RFX7: variants seen among roughly 807,000 people sequenced by gnomAD.
The protein encoded by RFX7 is DNA-binding protein RFX7.
A neutral mutation model predicts 111.8 loss-of-function variants in RFX7; 26 were observed. The ratio of observed to expected loss-of-function variants is 0.23; its 90% CI spans 0.17 to 0.32. The LOEUF (loss-of-function observed/expected upper bound fraction) is 0.32, where lower values mean the gene tolerates loss of function less well. Among genes scored for constraint, RFX7 ranks in the 10% least tolerant of loss-of-function variants. The pLI is 1.00. For synonymous variants in RFX7, 624 were observed against 624.4 expected (o/e 1.00, Z 0.01); for missense variants, 1,573 against 1,772.9 (o/e 0.89, Z 2.02).
intron 2 of RFX7, among the ~76,000 whole-genome samples, chr15:56,194,452 A>G (rs181657612): frequency 4.6e-5 from 7 of 152,264 alleles, no homozygotes; most frequent in African/African-American, 7.2e-5. Context: ...TTCTACCCCT[A>G]TAAAATAATT....
chr15:56,127,571 G>A (rs1443619554), intron 5 of RFX7, among the ~76,000 whole-genome samples: 8 of 146,292 alleles, frequency 5.5e-5, no homozygotes, highest in East Asian at 2.0e-4. Flanking sequence ...TTTTTGAGAC[G>A]GAGTTTCGCT....
intron 5 of RFX7, among the ~76,000 whole-genome samples, chr15:56,141,561 A>G (rs542597855): frequency 6.6e-5 from 10 of 150,490 alleles, no homozygotes; most frequent in East Asian, 3.9e-4. Flanking sequence ...CCTGATTTCT[A>G]TAACCTTTTA....
intron 3 of RFX7, among the ~76,000 whole-genome samples, chr15:56,178,157 C>T (rs1173629376): frequency 2.4e-5 from 3 of 126,770 alleles, no homozygotes; most frequent in Non-Finnish European, 4.9e-5. Context: ...AACTCGAAAA[C>T]CAAAAAACTA....
chr15:56,088,444 A>G lies in RFX7; in HGVS notation c.*4901T>C, dbSNP rs1299134089. On this transcript the variant is annotated 3_prime_UTR_variant, in exon 10 of 10. Coordinates refer to ENST00000559447, the MANE Select transcript of RFX7 (RefSeq NM_022841.7). ...TATATACCACAGTAATATCACTCTCATGATATATTTTATTTATATGACTCT... is the reference window on the plus strand; with the variant it reads ...TATATACCACAGTAATATCACTCTCGTGATATATTTTATTTATATGACTCT... 1 of 152,182 alleles carries G rather than the reference A, an allele frequency of 6.6e-6. No individual in the cohort carries two copies. 9.4% of individuals were successfully genotyped at this position (152,182 alleles called of 1,614,324 possible). A position where few individuals can be genotyped will look rare whatever the true frequency, so the allele number is the denominator to read the frequency against.
intron 3 of RFX7, among the ~76,000 whole-genome samples, chr15:56,156,592 T>G (rs1171612670): frequency 1.3e-5 from 2 of 152,000 alleles, no homozygotes; most frequent in East Asian, 3.9e-4. Flanking sequence ...GTATGTAACT[T>G]AAAAGTACAA....
In RFX7 at chr15:56,093,944, CATT is replaced by C. The variant is rs1474217690; in HGVS notation, c.3781_3783del (p.Asn1261del). On this transcript the variant is annotated inframe_deletion, in exon 10 of 10. Coordinates refer to ENST00000559447, the MANE Select transcript of RFX7 (RefSeq NM_022841.7). Reference sequence around the variant, plus strand: ...ATTCCCAAACCTCTCACTGCATCATCATTGTCGGAATCAAGTTTACTCAACAAA... The same window carrying C: ...ATTCCCAAACCTCTCACTGCATCATCGTCGGAATCAAGTTTACTCAACAAA... The C allele has an allele frequency of 3.7e-6, 6 of 1,613,876 alleles. No homozygotes were observed. Among genetic ancestry groups the C allele is most frequent in the African/African-American group, 2.7e-5 (2 of 74,928 alleles).
intron 3 of RFX7, among the ~76,000 whole-genome samples, chr15:56,163,102 C>T (rs1419649185): frequency 2.6e-5 from 4 of 151,960 alleles, no homozygotes; most frequent in African/African-American, 2.4e-5. Flanking sequence ...AAGTCTGTGT[C>T]GGTGAGTTGA....
In RFX7 at chr15:56,092,524, C is replaced by T. The variant is rs2041609135; in HGVS notation, c.*821G>A. On this transcript the variant is annotated 3_prime_UTR_variant, in exon 10 of 10. Transcript: ENST00000559447. ...TTTCCTTCTCATTCCCCTAACTTAA[C>T]AAATAATAAGACATAAAGCATTTTT... is the stretch of plus-strand genomic sequence containing the variant. 2 of 152,124 alleles carry T rather than the reference C, an allele frequency of 1.3e-5. No homozygotes were observed. Among genetic ancestry groups the T allele is most frequent in the African/African-American group, 4.8e-5 (2 of 41,414 alleles). 9.4% of individuals were successfully genotyped at this position (152,124 alleles called of 1,614,324 possible). A position where few individuals can be genotyped will look rare whatever the true frequency, so the allele number is the denominator to read the frequency against.
chr15:56,229,366 C>G (rs1039342573), intron 2 of RFX7, among the ~76,000 whole-genome samples: 1 of 151,996 alleles, frequency 6.6e-6, no homozygotes, highest in Non-Finnish European at 1.5e-5. Flanking sequence ...CCCAGGTTCA[C>G]GCCATTCTCC....
intron 2 of RFX7, among the ~76,000 whole-genome samples, chr15:56,242,498 T>TA (rs199726084): frequency 2.0e-4 from 31 of 151,630 alleles, no homozygotes; most frequent in African/African-American, 4.1e-4. Flanking sequence ...TATTTTAATT[T>TA]AAAAAAAAAC....
At chr15:56,116,851 T>C (rs190327964) in intron 5 of RFX7, among the ~76,000 whole-genome samples, 9 of 151,430 alleles carry the variant, frequency 5.9e-5, no homozygotes, top group Admixed American at 3.3e-4. Flanking sequence ...GTTGTACAAA[T>C]TGTACAAACA....
chr15:56,156,121 T>C (rs773299823), intron 3 of RFX7, among the ~76,000 whole-genome samples: 4 of 152,110 alleles, frequency 2.6e-5, no homozygotes, highest in Non-Finnish European at 4.4e-5. Context: ...TATCTTCAAT[T>C]AATCTGCATT....
chr15:56,191,101 T>C (rs1451732070), intron 2 of RFX7, among the ~76,000 whole-genome samples: 1 of 152,230 alleles, frequency 6.6e-6, no homozygotes, highest in East Asian at 1.9e-4. Context: ...CCTTCCTCTC[T>C]GGCCAATTTT....
chr15:56,183,066 A>G (rs541757938), intron 2 of RFX7, among the ~76,000 whole-genome samples: 27 of 152,094 alleles, frequency 1.8e-4, no homozygotes, highest in African/African-American at 6.0e-4. Flanking sequence ...ATGAAATTGT[A>G]TTTTTTTAAA....
chr15:56,203,838 T>C (rs1229609035), intron 2 of RFX7, among the ~76,000 whole-genome samples: 1 of 152,092 alleles, frequency 6.6e-6, no homozygotes, highest in Admixed American at 6.5e-5. Context: ...TAACCACAAA[T>C]ATAGGCAACC....
At chr15:56,168,444 C>T (rs1379644480) in intron 3 of RFX7, among the ~76,000 whole-genome samples, 1 of 152,156 alleles carries the variant, frequency 6.6e-6, no homozygotes, top group African/African-American at 2.4e-5. Context: ...TAAGTCCCAG[C>T]CCTTACTTCC....
chr15:56,104,798 T>TA (rs1555416971), intron 5 of RFX7, among the ~76,000 whole-genome samples: 2 of 151,972 alleles, frequency 1.3e-5, no homozygotes, highest in Non-Finnish European at 2.9e-5. Context: ...TGCATACCCC[T>TA]GGGGTTAAAA....
At chr15:56,221,919 A>T (rs146221926) in intron 2 of RFX7, among the ~76,000 whole-genome samples, 18 of 152,298 alleles carry the variant, frequency 1.2e-4, no homozygotes, top group African/African-American at 4.1e-4. Context: ...TATGTACTTT[A>T]AAAAAGTCAT....
intron 2 of RFX7, among the ~76,000 whole-genome samples, chr15:56,238,834 A>G (rs2043653606): frequency 6.6e-6 from 1 of 151,940 alleles, no homozygotes; most frequent in Non-Finnish European, 1.5e-5. Flanking sequence ...TTTATTTATT[A>G]TTTTTAGTTT....
Sources: gnomAD v4.1 joint callset for allele counts (sites outside exome capture counted in the v4.1 genomes callset) on GRCh38, gnomAD v4.1.1 for gene constraint, MANE v1.5 for transcripts, NCBI Gene and HGNC (gene_info 2026-07-23, HGNC 2026-07-21) for gene names.